Variants in ADAMTS9 observed in about 807,000 individuals in gnomAD.
ADAMTS9 encodes A disintegrin and metalloproteinase with thrombospondin motifs 9.
In ADAMTS9, 107 loss-of-function variants were observed where a neutral mutation model predicts 257.1. That is an observed-to-expected ratio of 0.42 (90% CI 0.36 to 0.49). The LOEUF (loss-of-function observed/expected upper bound fraction) is 0.49. ADAMTS9 is among the 20% of genes least tolerant of loss of function. The probability of loss-of-function intolerance (pLI) is 0.03; values close to 1 mark genes in which losing one functional copy is unlikely to be tolerated. For synonymous variants in ADAMTS9, 982 were observed against 880.9 expected, an observed-to-expected ratio of 1.11 and a Z score of -2.03; for missense variants, 2,353 against 2,469.1, an observed-to-expected ratio of 0.95 and a Z score of 1.00.
intron 28 of ADAMTS9, among the ~76,000 whole-genome samples, chr3:64,581,482 C>T (rs574822170): frequency 1.3e-5 from 2 of 152,132 alleles, no homozygotes; most frequent in East Asian, 1.9e-4. Context: ...AGGCTGGTCT[C>T]GAACTCCTGG....
intron 2 of ADAMTS9, among the ~76,000 whole-genome samples, chr3:64,685,933 G>A (rs906202892): frequency 6.6e-6 from 1 of 152,184 alleles, no homozygotes; most frequent in African/African-American, 2.4e-5. Context: ...CAAAGCGTCC[G>A]GGGTAGGCTC....
chr3:64,657,976 C>T (rs959959576), intron 4 of ADAMTS9, among the ~76,000 whole-genome samples: 1 of 152,144 alleles, frequency 6.6e-6, no homozygotes, highest in Non-Finnish European at 1.5e-5. Context: ...TAATTAGAAT[C>T]CTGGGGAAGA....
chr3:64,667,262 T>C (rs183061796), intron 3 of ADAMTS9, among the ~76,000 whole-genome samples: 238 of 152,322 alleles, frequency 1.6e-3, no homozygotes, highest in Non-Finnish European at 2.7e-3. Context: ...TAACACAGCA[T>C]GCACATCTGG....
chr3:64,656,765 G>T (rs1701082443), intron 4 of ADAMTS9, among the ~76,000 whole-genome samples: 1 of 152,068 alleles, frequency 6.6e-6, no homozygotes, highest in African/African-American at 2.4e-5. Context: ...GGTGAGAGGG[G>T]CACGGAGGCC....
chr3:64,659,067 C>T (rs898818817), intron 3 of ADAMTS9, among the ~76,000 whole-genome samples: 21 of 152,278 alleles, frequency 1.4e-4, no homozygotes, highest in Non-Finnish European at 2.9e-4. Context: ...GATTCTTATT[C>T]ATTTGTTAAC....
chr3:64,608,656 C>T (rs548984864), intron 22 of ADAMTS9, among the ~76,000 whole-genome samples: 73 of 152,022 alleles, frequency 4.8e-4, no homozygotes, highest in African/African-American at 1.7e-3. Context: ...CAAAGTCTTC[C>T]TCAAAAAGTT....
At chr3:64,523,992 G>T (rs75432158) in intron 38 of ADAMTS9, among the ~76,000 whole-genome samples, 1,563 of 152,230 alleles carry the variant, frequency 0.01, 58 homozygotes, top group East Asian at 0.068. Flanking sequence ...AGGCAAAACT[G>T]TTCTTATAGG....
chr3:64,631,889 G>T lies in ADAMTS9; in HGVS notation c.2212C>A (p.Arg738=). The part of the protein sequence containing the change: ...GCDHVLNSKA[R]RDKCGVCGGD... The stretch of plus-strand genomic sequence containing the variant: ...CCACAAACCCCACATTTATCTCTCC[G>T]GGCTTTTGAGTTTAAAACATGATCG... Residue 738 remains arginine (R), a synonymous_variant, in exon 15 of 40, where the codon CGG becomes AGG. Coordinates refer to ENST00000498707, the MANE Select transcript of ADAMTS9 (RefSeq NM_182920.2). 6.2e-7 allele frequency: 1 copy of T among 1,613,692 alleles called. No homozygotes were observed. Among genetic ancestry groups the T allele is most frequent in the Non-Finnish European group, 8.5e-7 (1 of 1,179,902 alleles).
intron 30 of ADAMTS9, among the ~76,000 whole-genome samples, chr3:64,556,662 T>G (rs1467285254): frequency 6.6e-6 from 1 of 152,170 alleles, no homozygotes. Flanking sequence ...GCCTTTATTC[T>G]ATAGAGTGAA....
At position 64,622,283 on chromosome 3, in the gene ADAMTS9, A is replaced by C; in HGVS notation, c.2601T>G (p.Ser867=). 5 of 1,613,970 alleles carry C rather than the reference A, an allele frequency of 3.1e-6. No homozygotes were observed. Among genetic ancestry groups the C allele is most frequent in the Non-Finnish European group, 4.2e-6 (5 of 1,179,970 alleles). The part of the protein sequence containing the change: ...GKLYNPDVRY[S]FNIPIEDKPQ... ...GTTTATCTTCAATTGGAATATTGAA[A>C]GAATAGCGTACATCGGGGTTGTACA... Residue 867 remains serine (S), a synonymous_variant, in exon 18 of 40, where the codon TCT becomes TCG. Transcript: ENST00000498707.
chr3:64,572,364 T>C (rs1432429864), intron 28 of ADAMTS9, among the ~76,000 whole-genome samples: 2 of 152,160 alleles, frequency 1.3e-5, no homozygotes, highest in Non-Finnish European at 2.9e-5. Flanking sequence ...GAAAGGAAAC[T>C]CAAGACATGG....
chr3:64,564,329 A>C (rs989796050), intron 29 of ADAMTS9, among the ~76,000 whole-genome samples: 13 of 152,338 alleles, frequency 8.5e-5, no homozygotes, highest in African/African-American at 3.1e-4. Flanking sequence ...ATAGAGAGAA[A>C]GAATCTCCAT....
At chr3:64,672,874 G>A (rs375025183) in intron 3 of ADAMTS9, among the ~76,000 whole-genome samples, 2 of 152,210 alleles carry the variant, frequency 1.3e-5, no homozygotes, top group Non-Finnish European at 1.5e-5. Context: ...ATGATGGAAT[G>A]CAGATATGAC....
chr3:64,602,610 G>A (rs2084485945), intron 25 of ADAMTS9, among the ~76,000 whole-genome samples: 1 of 152,084 alleles, frequency 6.6e-6, no homozygotes, highest in Admixed American at 6.5e-5. Context: ...GATGCTTCCT[G>A]AACAAGCCAA....
chr3:64,583,929 T>G (rs2084075394), intron 28 of ADAMTS9: 1 of 152,156 alleles, frequency 6.6e-6, no homozygotes, highest in Non-Finnish European at 1.5e-5. Flanking sequence ...ACAATGAAGA[T>G]CCCAATTACA....
intron 38 of ADAMTS9, among the ~76,000 whole-genome samples, chr3:64,528,601 C>T (rs2082939455): frequency 6.6e-6 from 1 of 152,168 alleles, no homozygotes; most frequent in Non-Finnish European, 1.5e-5. Context: ...TAAGCCCGGG[C>T]TTACACTGCA....
At chr3:64,636,286 A>C (rs966674532) in intron 12 of ADAMTS9, among the ~76,000 whole-genome samples, 1 of 152,222 alleles carries the variant, frequency 6.6e-6, no homozygotes, top group South Asian at 2.1e-4. Context: ...CATTTTTTAT[A>C]AACACACAAA....
At chr3:64,552,695 C>T (rs1180636464) in intron 30 of ADAMTS9, among the ~76,000 whole-genome samples, 1 of 151,588 alleles carries the variant, frequency 6.6e-6, no homozygotes, top group Non-Finnish European at 1.5e-5. Flanking sequence ...GTAGCTGGGA[C>T]TACAGGCATG....
At chr3:64,642,709 G>T (rs147555459) in intron 11 of ADAMTS9, among the ~76,000 whole-genome samples, 1 of 152,222 alleles carries the variant, frequency 6.6e-6, no homozygotes, top group African/African-American at 2.4e-5. Context: ...GTGAAGCCCT[G>T]ACACAAAGCC....
Sources: gnomAD v4.1 joint callset for allele counts (sites outside exome capture counted in the v4.1 genomes callset) on GRCh38, gnomAD v4.1.1 for gene constraint, MANE v1.5 for transcripts, NCBI Gene and HGNC (gene_info 2026-07-23, HGNC 2026-07-21) for gene names.